The following ST8SIA1 variants were observed in gnomAD, a reference collection of about 807,000 sequenced individuals.
The protein encoded by ST8SIA1 is alpha-N-acetylneuraminide alpha-2,8-sialyltransferase.
ST8SIA1 carries 16 observed loss-of-function variants against 35.9 expected under a neutral mutation model. The ratio of observed to expected loss-of-function variants is 0.45; its 90% confidence interval spans 0.30 to 0.68. The LOEUF is 0.68. Among genes scored for constraint, ST8SIA1 ranks in the 30% least tolerant of loss-of-function variants. The pLI, the probability that ST8SIA1 is intolerant of heterozygous loss-of-function variation, is 0.09. For synonymous variants in ST8SIA1, 170 were observed against 169.6 expected (o/e 1.00, Z -0.02); for missense variants, 383 against 453.6 (o/e 0.84, Z 1.41).
At chr12:22,250,954 G>C (rs1009115445) in intron 3 of ST8SIA1, among the ~76,000 whole-genome samples, 6 of 152,186 alleles carry the variant, frequency 3.9e-5, no homozygotes, top group Admixed American at 3.3e-4. Context: ...ACCTACTCTT[G>C]AAGTATCCAC....
At chr12:22,273,803 CAAGCACTATGCTACA>C (rs1865939162) in intron 2 of ST8SIA1, among the ~76,000 whole-genome samples, 1 of 152,200 alleles carries the variant, frequency 6.6e-6, no homozygotes, top group Non-Finnish European at 1.5e-5. Flanking sequence ...TACCATGTCT[CAAGCACTATGCTACA>C]AACTGAGACA....
At chr12:22,206,868 T>C (rs997995565) in intron 4 of ST8SIA1, among the ~76,000 whole-genome samples, 1 of 152,178 alleles carries the variant, frequency 6.6e-6, no homozygotes, top group African/African-American at 2.4e-5. Context: ...CTCTTAAACA[T>C]CTATAATTAG....
chr12:22,287,363 T>G (rs1866113409), intron 1 of ST8SIA1, 70 bp from the exon 2 acceptor site: 1 of 1,520,048 alleles, frequency 6.6e-7, no homozygotes, highest in Non-Finnish European at 8.9e-7. Flanking sequence ...TCACTTGTCA[T>G]TCCCACAGAG....
chr12:22,283,757 C>G (rs1269251299), intron 2 of ST8SIA1, among the ~76,000 whole-genome samples: 1 of 152,172 alleles, frequency 6.6e-6, no homozygotes, highest in African/African-American at 2.4e-5. Context: ...GAGACACAGA[C>G]AGGAACGCCC....
intron 1 of ST8SIA1, among the ~76,000 whole-genome samples, chr12:22,301,400 CTTTG>C (rs559794537): frequency 2.2e-4 from 33 of 148,992 alleles, no homozygotes; most frequent in Admixed American, 9.5e-4. Context: ...GTTGCTGATC[CTTTG>C]TTTTGTTTTT....
Position 22,334,590 on chromosome 12 carries a change from G to T in ST8SIA1, c.-358C>A. ...CAGCATCACGGTCGCCCTCGGCGAG[G>T]GTCCGGGAGAAGGCTCGGCTCCCTC... is the stretch of plus-strand genomic sequence containing the variant. On this transcript the variant is annotated 5_prime_UTR_variant, in exon 1 of 5. Transcript: ENST00000396037. 1 of 320,960 alleles carries T rather than the reference G, an allele frequency of 3.1e-6. No individual in the cohort carries two copies. The allele number at this position is 320,960 out of a possible 1,614,324, so 19.9% of individuals were successfully genotyped here.
intron 4 of ST8SIA1, among the ~76,000 whole-genome samples, chr12:22,220,348 G>A (rs975062155): frequency 6.6e-6 from 1 of 152,146 alleles, no homozygotes; most frequent in Non-Finnish European, 1.5e-5. Flanking sequence ...TAAGCACAAA[G>A]GAGTATGTTT....
intron 4 of ST8SIA1, among the ~76,000 whole-genome samples, chr12:22,213,278 A>C (rs1420630): frequency 0.77 from 117,771 of 152,056 alleles, 45,812 homozygotes; most frequent in South Asian, 0.93. Flanking sequence ...GCTTCACACC[A>C]CACAATGATT....
chr12:22,279,388 T>C (rs1041103029), intron 2 of ST8SIA1, among the ~76,000 whole-genome samples: 1 of 152,196 alleles, frequency 6.6e-6, no homozygotes, highest in African/African-American at 2.4e-5. Context: ...TCAGCCTTGC[T>C]TACAAAAACA....
intron 4 of ST8SIA1, among the ~76,000 whole-genome samples, chr12:22,221,772 A>G (rs917840915): frequency 6.6e-6 from 1 of 152,206 alleles, no homozygotes; most frequent in South Asian, 2.1e-4. Flanking sequence ...TTTAAAATAA[A>G]CCTTTTCCTT....
At chr12:22,282,919 GA>G (rs970901532) in intron 2 of ST8SIA1, among the ~76,000 whole-genome samples, 2 of 151,090 alleles carry the variant, frequency 1.3e-5, no homozygotes, top group Non-Finnish European at 3.0e-5. Context: ...TTTATTAAAA[GA>G]AAAAAAAATT....
At position 22,334,538 on chromosome 12, in the gene ST8SIA1, G is replaced by A; in HGVS notation, c.-306C>T. 2.2e-6 allele frequency: 1 copy of A among 446,010 alleles called. No individual in the cohort carries two copies. Among genetic ancestry groups the A allele is most frequent in the Non-Finnish European group, 4.1e-6 (1 of 246,834 alleles). The allele number at this position is 446,010 out of a possible 1,614,324, so 27.6% of individuals were successfully genotyped here. A position where few individuals can be genotyped will look rare whatever the true frequency, so the allele number is the denominator to read the frequency against. ...GGTCTCCGAGTGCGCAGAGAGCGGC[G>A]GCGGCGAGTCGCTCCCGCCGGTTCT... On this transcript the variant is annotated 5_prime_UTR_variant, in exon 1 of 5. Transcript: ENST00000396037.
At chr12:22,321,003 G>GAAAGAAGAAAGA (rs377218947) in intron 1 of ST8SIA1, among the ~76,000 whole-genome samples, 16 of 76,622 alleles carry the variant, frequency 2.1e-4, no homozygotes, top group Admixed American at 1.6e-4. Context: ...AAGAAAGAAA[G>GAAAGAAGAAAGA]AAGAAAGAAA....
At chr12:22,320,047 A>T (rs897648758) in intron 1 of ST8SIA1, among the ~76,000 whole-genome samples, 2 of 152,214 alleles carry the variant, frequency 1.3e-5, no homozygotes, top group Admixed American at 1.3e-4. Flanking sequence ...TCAGTTGAGC[A>T]TTTCCATATG....
At chr12:22,333,339 T>C (rs536467979) in intron 1 of ST8SIA1, among the ~76,000 whole-genome samples, 1 of 152,342 alleles carries the variant, frequency 6.6e-6, no homozygotes, top group Admixed American at 6.5e-5. Context: ...AGGTCAAAAG[T>C]AATGACCTTG....
intron 4 of ST8SIA1, among the ~76,000 whole-genome samples, chr12:22,218,827 T>A (rs1003268968): frequency 2.0e-5 from 3 of 150,740 alleles, no homozygotes; most frequent in South Asian, 4.2e-4. Context: ...CTCAAAAAAA[T>A]AAATAAATAA....
At chr12:22,219,353 T>C (rs1431347536) in intron 4 of ST8SIA1, among the ~76,000 whole-genome samples, 2 of 152,190 alleles carry the variant, frequency 1.3e-5, no homozygotes, top group East Asian at 3.8e-4. Flanking sequence ...GAATTTCCCT[T>C]TGTGTCATAA....
chr12:22,268,601 A>T (rs762032773), intron 2 of ST8SIA1: 1 of 152,114 alleles, frequency 6.6e-6, no homozygotes, highest in African/African-American at 2.4e-5. Flanking sequence ...AGCGAGAAGA[A>T]GTGCAGAGCG....
chr12:22,277,541 A>G (rs1865984534), intron 2 of ST8SIA1, among the ~76,000 whole-genome samples: 1 of 151,790 alleles, frequency 6.6e-6, no homozygotes, highest in Non-Finnish European at 1.5e-5. Flanking sequence ...TAATTTTTGT[A>G]TTTTTAGTAG....
Sources: allele counts gnomAD v4.1 joint callset (sites outside exome capture counted in the v4.1 genomes callset), GRCh38; gene constraint gnomAD v4.1.1; transcripts MANE v1.5; gene names NCBI Gene and HGNC (gene_info 2026-07-23, HGNC 2026-07-21).